The following SYT3 variants were observed in gnomAD, a reference collection of about 807,000 sequenced individuals.
SYT3 encodes the protein synaptotagmin-3.
SYT3 carries 25 observed loss-of-function variants against 50.6 expected under a neutral mutation model. That is an observed-to-expected ratio of 0.49 (90% CI 0.36 to 0.69). The LOEUF is 0.69. Ranked by LOEUF, SYT3 falls within the 30% of genes least tolerant of loss-of-function variation. SYT3 has a pLI of 0.00. For synonymous variants in SYT3, 323 were observed against 353.9 expected, an observed-to-expected ratio of 0.91 and a Z score of 0.98; for missense variants, 589 against 793.6, an observed-to-expected ratio of 0.74 and a Z score of 3.10.
Position 50,629,918 on chromosome 19 carries a change from G to A in SYT3, c.928C>T (p.Leu310Phe). Residue 310 changes from leucine (L) to phenylalanine (F), a missense_variant, in exon 5 of 11, where the codon CTC (leucine) becomes TTC (phenylalanine). Transcript: ENST00000600079. ...CGRISFALRY[L>F]YGSDQLVVRI... Reference sequence around the variant, plus strand: ...ACCACCAGCTGGTCCGAGCCATAGAGGTACCGCAGGGCGAAGCTGATACGG... The same window carrying A: ...ACCACCAGCTGGTCCGAGCCATAGAAGTACCGCAGGGCGAAGCTGATACGG... 3 of 1,614,118 alleles carry A rather than the reference G, an allele frequency of 1.9e-6. No individual in the cohort carries two copies. The highest frequency in any genetic ancestry group is 2.5e-6 in the Non-Finnish European group (3 of 1,180,012).
rs188228927 is a variant in SYT3, at chr19:50,625,528, C to T, written c.1439G>A (p.Arg480Gln). 1.0e-5 allele frequency: 16 copies of T among 1,605,760 alleles called. 1 individual carries two copies. The highest frequency in any genetic ancestry group is 4.5e-5 in the East Asian group (2 of 44,836). ...YVKASLISEG[R>Q]RLKKRKTSIK... ...GGAGGTTTTCCGCTTCTTCAGACGC[C>T]GCCCCTCGCTGATCAGGGAGGCCTT... The change falls in exon 8 of 11, where the codon CGG (arginine) becomes CAG (glutamine). Residue 480 changes from arginine to glutamine, a missense_variant. By Grantham distance (43) the Arg-to-Gln change is conservative. Transcript: ENST00000600079. This position sits in a 1 kb window ranked among gnomAD's most constrained non-coding sequence, Gnocchi z 7.5.
At chr19:50,634,157 G>T (rs112415757) in intron 3 of SYT3, among the ~76,000 whole-genome samples, 2,146 of 152,312 alleles carry the variant, frequency 0.014, 24 homozygotes, top group Non-Finnish European at 0.021. Flanking sequence ...TTGGTACCAG[G>T]AGTGGGGTTT....
At position 50,637,326 on chromosome 19, in the gene SYT3, G is replaced by A. The variant is rs1984527928; in HGVS notation, c.86C>T (p.Thr29Ile). The change falls in exon 3 of 11, where the codon ACC (threonine) becomes ATC (isoleucine). Residue 29 changes from threonine to isoleucine, a missense_variant. Around this residue, in one of 2 missense-constraint regions of SYT3, gnomAD observed 316 missense variants for 354.3 expected, o/e 0.89. Transcript: ENST00000600079. The surrounding 1 kb of genome is among the most constrained non-coding windows in gnomAD (Gnocchi z 4.9). ...ATTGAACTCCTGGCACCTGTCGTTG[G>A]TGTCAGCATCTCGGACCCGCGCACA... is the stretch of plus-strand genomic sequence containing the variant. ...DLCARVRDAD[T>I]NDRCQEFNDR... 6.2e-7 allele frequency: 1 copy of A among 1,613,370 alleles called. No individual in the cohort carries two copies. The highest frequency in any genetic ancestry group is 1.7e-5 in the Admixed American group (1 of 59,996).
At chr19:50,653,077 G>A in the SYT3 span, among the ~76,000 whole-genome samples, 35 of 152,116 alleles carry the variant, frequency 2.3e-4, no homozygotes, top group Middle Eastern at 3.4e-3. Context: ...TTGCTTTGTC[G>A]CCCAGGATGC....
chr19:50,625,600 C>T lies in SYT3; in HGVS notation c.1403-36G>A, dbSNP rs771751277. 4.6e-6 allele frequency: 7 copies of T among 1,530,716 alleles called. No homozygotes were observed. The highest frequency in any genetic ancestry group is 6.1e-6 in the Non-Finnish European group (7 of 1,140,288). 94.8% of individuals were successfully genotyped at this position (1,530,716 alleles called of 1,614,324 possible). Reference sequence around the variant, plus strand: ...CAATGAAGTAAGGAACAGAGACTCACTCCCTCAGACCTAGGGGTCCAGGAC... The same window carrying T: ...CAATGAAGTAAGGAACAGAGACTCATTCCCTCAGACCTAGGGGTCCAGGAC... On this transcript the variant is annotated intron_variant, in intron 7 of 10. Transcript: ENST00000600079. The surrounding 1 kb of genome is among the most constrained non-coding windows in gnomAD (Gnocchi z 7.5).
chr19:50,651,123 A>G, the SYT3 span, among the ~76,000 whole-genome samples: 2 of 152,184 alleles, frequency 1.3e-5, no homozygotes, highest in African/African-American at 4.8e-5. Context: ...TGCCTAATGG[A>G]TGAAACGGCC....
chr19:50,656,367 A>C, the SYT3 span: 1 of 1,526,162 alleles, frequency 6.6e-7, no homozygotes, highest in Non-Finnish European at 8.8e-7. Context: ...CTGTGCCCTT[A>C]TTTTCTGCAC....
chr19:50,634,989 C>T (rs960980410), intron 3 of SYT3, among the ~76,000 whole-genome samples: 2 of 152,062 alleles, frequency 1.3e-5, no homozygotes, highest in Non-Finnish European at 2.9e-5. Flanking sequence ...TGGCTCACTG[C>T]AAGCTCCACC....
At chr19:50,638,630 G>A (rs1984570382) in intron 2 of SYT3, among the ~76,000 whole-genome samples, 1 of 152,146 alleles carries the variant, frequency 6.6e-6, no homozygotes, top group Admixed American at 6.5e-5. Context: ...CTTGAGAGAC[G>A]AGAGGACGAG....
intron 6 of SYT3, among the ~76,000 whole-genome samples, chr19:50,627,334 G>A (rs148568967): frequency 2.2e-3 from 332 of 152,218 alleles, no homozygotes; most frequent in African/African-American, 7.4e-3. Context: ...CATAACCCTG[G>A]CCCCTGACAC....
Position 50,637,700 on chromosome 19 carries a change from A to T in SYT3, c.-15-274T>A. On this transcript the variant is annotated intron_variant, in intron 2 of 10. Transcript: ENST00000600079. The surrounding 1 kb of genome is among the most constrained non-coding windows in gnomAD (Gnocchi z 4.9). ...GATAGTAGCAGGGACTGGGTAAGTC[A>T]AGGGGACAGAGATGGGCATGAGTGG... The T allele has an allele frequency of 2.9e-6, 1 of 348,454 alleles. No homozygotes were observed. The allele number at this position is 348,454 out of a possible 1,614,324, so 21.6% of individuals were successfully genotyped here.
chr19:50,632,200 G>C lies in SYT3; in HGVS notation c.674+86C>G, dbSNP rs1363756. ...ATACCCCGATTCCCCTCCAAATCCC[G>C]AACTCATAAGAGCTATAGATAGGAA... On this transcript the variant is annotated intron_variant, in intron 4 of 10. Transcript: ENST00000600079. The surrounding 1 kb of genome is among the most constrained non-coding windows in gnomAD (Gnocchi z 4.7). The C allele has an allele frequency of 7.2e-7, 1 of 1,390,858 alleles. No individual in the cohort carries two copies. The highest frequency in any genetic ancestry group is 9.6e-7 in the Non-Finnish European group (1 of 1,037,792). 86.2% of individuals were successfully genotyped at this position (1,390,858 alleles called of 1,614,324 possible).
At chr19:50,630,713 A>G (rs1315778461) in intron 4 of SYT3, among the ~76,000 whole-genome samples, 8 of 151,932 alleles carry the variant, frequency 5.3e-5, no homozygotes, top group Admixed American at 2.6e-4. Flanking sequence ...GTGAGCCACC[A>G]CACCCAGCCT....
rs529397903 is a variant in SYT3 at position 50,623,613 on chromosome 19, C to CAAAAAAA, written c.1708-865_1708-859dup. On this transcript the variant is annotated intron_variant, in intron 9 of 10. Transcript: ENST00000600079. ...ACAACATGGCAAAACCCTGTCTCTA[C>CAAAAAAA]AAAAAAAAAAAAAAAAAAAAAAAAA... 6.5e-4 allele frequency among the ~76,000 whole-genome samples: 60 copies of CAAAAAAA among 91,618 alleles called. 4 individuals are homozygous for CAAAAAAA. The highest frequency in any genetic ancestry group is 8.9e-4 in the South Asian group (2 of 2,242). The allele number at this position is 91,618 out of a possible 152,430, so 60.1% of individuals were successfully genotyped here.
chr19:50,646,922 C>T, the SYT3 span, among the ~76,000 whole-genome samples: 1 of 152,052 alleles, frequency 6.6e-6, no homozygotes. Flanking sequence ...GCTCTGCTTC[C>T]CGGGCTCACG....
chr19:50,625,577 A>G lies in SYT3; in HGVS notation c.1403-13T>C. ...TTCACGTAGGGGTCTGGGAACAGCAATGAAGTAAGGAACAGAGACTCACTC... is the reference window on the plus strand; with the variant it reads ...TTCACGTAGGGGTCTGGGAACAGCAGTGAAGTAAGGAACAGAGACTCACTC... On this transcript the variant is annotated splice_polypyrimidine_tract_variant and intron_variant, in intron 7 of 10. Transcript: ENST00000600079. The surrounding 1 kb of genome is among the most constrained non-coding windows in gnomAD (Gnocchi z 7.5). 6.4e-7 allele frequency: 1 copy of G among 1,566,268 alleles called. No homozygotes were observed.
intron 2 of SYT3, 70 bp downstream of exon 2, chr19:50,638,955 C>T (rs928839314): frequency 1.3e-5 from 2 of 151,454 alleles, no homozygotes; most frequent in Admixed American, 1.3e-4. Flanking sequence ...GACCAGGGCT[C>T]ACAGATGGAC....
At position 50,630,141 on chromosome 19, in the gene SYT3, C is replaced by T; in HGVS notation, c.705G>A (p.Gln235=). 1.3e-6 allele frequency: 2 copies of T among 1,554,738 alleles called. No homozygotes were observed. Among genetic ancestry groups the T allele is most frequent in the Non-Finnish European group, 1.7e-6 (2 of 1,146,212 alleles). ...RYPALPRPLT[Q]QTLTSQPDPS... ...GGTCCGGCTGGGAGGTCAGAGTCTGCTGGGTGAGGGGTCGGGGCAGGGCTG... is the reference window on the plus strand; with the variant it reads ...GGTCCGGCTGGGAGGTCAGAGTCTGTTGGGTGAGGGGTCGGGGCAGGGCTG... The change falls in exon 5 of 11, where the codon CAG becomes CAA. Residue 235 remains glutamine, a synonymous_variant. Transcript: ENST00000600079.
chr19:50,655,876 G>A, the SYT3 span, among the ~76,000 whole-genome samples: 1 of 152,194 alleles, frequency 6.6e-6, no homozygotes, highest in Non-Finnish European at 1.5e-5. Context: ...CTCAACCCAG[G>A]CATCACAGAG....
Sources: gnomAD v4.1 joint callset for allele counts (sites outside exome capture counted in the v4.1 genomes callset) on GRCh38, gnomAD v4.1.1 for gene constraint, gnomAD v4.1.1 regional missense constraint, Gnocchi (gnomAD v3.1) non-coding constraint, MANE v1.5 for transcripts, NCBI Gene and HGNC (gene_info 2026-07-23, HGNC 2026-07-21) for gene names.